Variants in CNTNAP2 observed in about 807,000 individuals in gnomAD.
CNTNAP2 encodes the protein contactin associated protein 2.
In CNTNAP2, 98 loss-of-function variants were observed where a neutral mutation model predicts 155.2. That is an observed-to-expected ratio of 0.63 (90% confidence interval 0.54 to 0.75). The LOEUF (loss-of-function observed/expected upper bound fraction) is 0.75, where lower values mean the gene tolerates loss of function less well. Ranked by LOEUF, CNTNAP2 falls within the 30% of genes least tolerant of loss-of-function variation. The pLI is 0.00. For synonymous variants in CNTNAP2, 651 were observed against 631.2 expected (o/e 1.03, Z -0.47); for missense variants, 1,727 against 1,688.1 (o/e 1.02, Z -0.40).
At chr7:147,156,944 T>G (rs967690204) in intron 8 of CNTNAP2, among the ~76,000 whole-genome samples, 1 of 152,096 alleles carries the variant, frequency 6.6e-6, no homozygotes, top group African/African-American at 2.4e-5. Flanking sequence ...AAGAAAATAC[T>G]TGTGCTTGTT....
intron 1 of CNTNAP2, among the ~76,000 whole-genome samples, chr7:146,269,877 C>G (rs1338195540): frequency 6.6e-6 from 1 of 152,170 alleles, no homozygotes; most frequent in Non-Finnish European, 1.5e-5. Flanking sequence ...GACAGCAGAC[C>G]TTTCTTAGGG....
At position 146,316,592 on chromosome 7, in the gene CNTNAP2, T is replaced by C. The variant is rs576947287; in HGVS notation, c.97+199619T>C. Reference sequence around the variant, plus strand: ...TCATAAGTCCACCCGTGGTGGGAGATAACTTTCATGAAGCTGTGTTTGGTC... The same window carrying C: ...TCATAAGTCCACCCGTGGTGGGAGACAACTTTCATGAAGCTGTGTTTGGTC... On this transcript the variant is annotated intron_variant, in intron 1 of 23. Transcript: ENST00000361727. Among the ~76,000 whole-genome samples the C allele has an allele frequency of 3.3e-5, 5 of 152,252 alleles. No homozygotes were observed. The East Asian group carries it at 7.7e-4, about 24-fold the overall frequency.
chr7:147,274,439 TTA>T (rs1804846074), intron 8 of CNTNAP2, among the ~76,000 whole-genome samples: 1 of 152,186 alleles, frequency 6.6e-6, no homozygotes, highest in East Asian at 1.9e-4. Flanking sequence ...GAGCACATTT[TTA>T]TATGTTTATT....
At chr7:147,686,000 C>T (rs943122602) in intron 13 of CNTNAP2, among the ~76,000 whole-genome samples, 2 of 151,938 alleles carry the variant, frequency 1.3e-5, no homozygotes, top group African/African-American at 4.8e-5. Context: ...GGGATGTTGA[C>T]TTTAAGTGAG....
intron 1 of CNTNAP2, among the ~76,000 whole-genome samples, chr7:146,745,821 G>T (rs972834032): frequency 6.6e-6 from 1 of 151,560 alleles, no homozygotes; most frequent in Non-Finnish European, 1.5e-5. Context: ...GGTAGATAAG[G>T]TTTCCCTTCA....
intron 3 of CNTNAP2, among the ~76,000 whole-genome samples, chr7:146,904,759 C>G (rs1796084341): frequency 6.6e-6 from 1 of 152,200 alleles, no homozygotes; most frequent in African/African-American, 2.4e-5. Context: ...GCGTGAGCCA[C>G]CGCGTCCGGC....
chr7:146,147,785 A>C (rs1383682945), intron 1 of CNTNAP2, among the ~76,000 whole-genome samples: 1 of 152,174 alleles, frequency 6.6e-6, no homozygotes, highest in Non-Finnish European at 1.5e-5. Context: ...CAAATATTCT[A>C]AGGTCCATTA....
chr7:147,064,699 A>G (rs1250240773), intron 4 of CNTNAP2, among the ~76,000 whole-genome samples: 2 of 152,316 alleles, frequency 1.3e-5, no homozygotes, highest in Non-Finnish European at 2.9e-5. Flanking sequence ...CAATGTCAAT[A>G]TATCCTTAAA....
At position 146,437,246 on chromosome 7, in the gene CNTNAP2, C is replaced by T. The variant is rs1168346152; in HGVS notation, c.97+320273C>T. Among the ~76,000 whole-genome samples, 2 of 151,400 alleles carry T rather than the reference C, an allele frequency of 1.3e-5. 1 individual carries two copies. The highest frequency in any genetic ancestry group is 4.9e-5 in the African/African-American group (2 of 40,746). The stretch of plus-strand genomic sequence containing the variant: ...CTGAAACCATCTACCCCAACCTCAC[C>T]CTCCTGTCCGTGGAAAAATTGTCTT... On this transcript the variant is annotated intron_variant, in intron 1 of 23. Transcript: ENST00000361727.
intron 1 of CNTNAP2, among the ~76,000 whole-genome samples, chr7:146,310,348 T>C (rs1013104022): frequency 1.4e-4 from 22 of 152,202 alleles, no homozygotes; most frequent in Admixed American, 6.5e-5. Context: ...AAGCTGATAT[T>C]GAATTTGTAT....
intron 1 of CNTNAP2, among the ~76,000 whole-genome samples, chr7:146,456,423 G>C (rs1347830619): frequency 6.6e-6 from 1 of 152,030 alleles, no homozygotes; most frequent in Non-Finnish European, 1.5e-5. Flanking sequence ...ACTGAAAATA[G>C]AACAAAAAGT....
intron 10 of CNTNAP2, among the ~76,000 whole-genome samples, chr7:147,416,559 C>T (rs1306148724): frequency 1.3e-5 from 2 of 152,196 alleles, no homozygotes; most frequent in Non-Finnish European, 2.9e-5. Flanking sequence ...GAATGGCCAA[C>T]TGTTTTCATA....
intron 21 of CNTNAP2, among the ~76,000 whole-genome samples, chr7:148,344,938 T>C (rs1798295288): frequency 2.0e-5 from 3 of 152,186 alleles, no homozygotes; most frequent in African/African-American, 7.2e-5. Context: ...GCACAGTCCA[T>C]GCCGCGATTT....
chr7:146,500,163 G>T (rs1439727644), intron 1 of CNTNAP2, among the ~76,000 whole-genome samples: 1 of 152,130 alleles, frequency 6.6e-6, no homozygotes, highest in Non-Finnish European at 1.5e-5. Flanking sequence ...TACCAAAACA[G>T]ATTATGTCAT....
intron 2 of CNTNAP2, among the ~76,000 whole-genome samples, chr7:146,783,437 C>T (rs1292807782): frequency 6.6e-6 from 1 of 151,956 alleles, no homozygotes; most frequent in East Asian, 1.9e-4. Context: ...ACTTAATTCT[C>T]AAAGATAAAC....
intron 1 of CNTNAP2, among the ~76,000 whole-genome samples, chr7:146,623,208 T>A (rs1285810420): frequency 6.6e-6 from 1 of 152,082 alleles, no homozygotes; most frequent in Non-Finnish European, 1.5e-5. Flanking sequence ...TAAGTGAGGT[T>A]TTGTTACATT....
intron 1 of CNTNAP2, among the ~76,000 whole-genome samples, chr7:146,537,899 G>C (rs1321529792): frequency 1.3e-5 from 2 of 152,076 alleles, no homozygotes; most frequent in Admixed American, 6.6e-5. Context: ...ACAATGGCTA[G>C]GTAAGTCTTT....
At chr7:147,436,750 T>C (rs911431548) in intron 10 of CNTNAP2, among the ~76,000 whole-genome samples, 1 of 152,192 alleles carries the variant, frequency 6.6e-6, no homozygotes, top group Admixed American at 6.6e-5. Context: ...GTAAATTTTC[T>C]CCTATCTTCA....
chr7:147,217,082 A>G (rs1365301348), intron 8 of CNTNAP2, among the ~76,000 whole-genome samples: 5 of 151,944 alleles, frequency 3.3e-5, no homozygotes, highest in African/African-American at 1.2e-4. Flanking sequence ...GTTGTTGTTG[A>G]TTTTAAAAAA....
Sources: gnomAD v4.1 joint callset for allele counts (sites outside exome capture counted in the v4.1 genomes callset) on GRCh38, gnomAD v4.1.1 for gene constraint, MANE v1.5 for transcripts, NCBI Gene and HGNC (gene_info 2026-07-23, HGNC 2026-07-21) for gene names.